The following TADA2A variants were observed in gnomAD, a reference collection of about 807,000 sequenced individuals.
The protein encoded by TADA2A is transcriptional adapter 2-alpha.
In TADA2A, 38 loss-of-function variants were observed where a neutral mutation model predicts 67.4. The ratio of observed to expected loss-of-function variants is 0.56; its 90% CI spans 0.44 to 0.74. The LOEUF is 0.74. Among genes scored for constraint, TADA2A ranks in the 30% least tolerant of loss-of-function variants. TADA2A has a pLI of 0.00. For missense variants in TADA2A, 454 were observed against 547.0 expected, an observed-to-expected ratio of 0.83 and a Z score of 1.70; for synonymous variants, 192 against 181.6, an observed-to-expected ratio of 1.06 and a Z score of -0.46.
At chr17:37,453,916 G>A (rs1354336547) in intron 8 of TADA2A, among the ~76,000 whole-genome samples, 2 of 151,624 alleles carry the variant, frequency 1.3e-5, no homozygotes, top group East Asian at 1.9e-4. Context: ...GATTACAGGT[G>A]TCCGCTACCA....
chr17:37,465,537 T>C lies in TADA2A; in HGVS notation c.819T>C (p.His273=). 6.2e-7 allele frequency: 1 copy of C among 1,614,114 alleles called. No individual in the cohort carries two copies. The highest frequency in any genetic ancestry group is 8.5e-7 in the Non-Finnish European group (1 of 1,180,026). ...AACATGACAAATTCATTGAAAGCCA[T>C]GCATGTAGGTGGTTTTTGAGCCTTG... The part of the protein sequence containing the change: ...PVEHDKFIES[H]ALEFELRREI... Residue 273 remains histidine (H), a synonymous_variant, in exon 11 of 16, where the codon CAT becomes CAC. Coordinates refer to ENST00000615182, the MANE Select transcript of TADA2A (RefSeq NM_001166105.3).
At chr17:37,470,615 C>A in intron 13 of TADA2A, 83 bp downstream of exon 13, 1 of 1,368,848 alleles carries the variant, frequency 7.3e-7, no homozygotes, top group Non-Finnish European at 9.7e-7. Context: ...CCCTAGATGG[C>A]AGAGTAATAA....
In TADA2A at chr17:37,452,702, A is replaced by G. The variant is rs534396550; in HGVS notation, c.605-5822A>G. ...AAACAGTGACAGGTATAGGCATTCT[A>G]TGATATCTGGACTTTTATATGTAGC... On this transcript the variant is annotated intron_variant, in intron 8 of 15. Transcript: ENST00000615182. 2.6e-5 allele frequency among the ~76,000 whole-genome samples: 4 copies of G among 152,228 alleles called. No homozygotes were observed. In the South Asian group the frequency reaches 6.2e-4, roughly 24 times the overall value.
At chr17:37,460,981 A>AG (rs2053534020) in intron 9 of TADA2A, among the ~76,000 whole-genome samples, 1 of 151,928 alleles carries the variant, frequency 6.6e-6, no homozygotes, top group African/African-American at 2.4e-5. Context: ...AAAAAGCAAA[A>AG]GAAAAAAAAG....
intron 4 of TADA2A, among the ~76,000 whole-genome samples, chr17:37,428,800 A>T (rs946641604): frequency 1.3e-5 from 2 of 152,154 alleles, no homozygotes; most frequent in Admixed American, 1.3e-4. Context: ...TAATCCCAGC[A>T]CTTTGGGAGG....
At chr17:37,449,430 A>G (rs966733299) in intron 8 of TADA2A, among the ~76,000 whole-genome samples, 2 of 152,182 alleles carry the variant, frequency 1.3e-5, no homozygotes, top group African/African-American at 4.8e-5. Context: ...CTTCATATAT[A>G]TTAAGTCATT....
chr17:37,422,297 G>GC (rs1568135892), intron 2 of TADA2A, among the ~76,000 whole-genome samples: 1 of 148,296 alleles, frequency 6.7e-6, no homozygotes, highest in African/African-American at 2.5e-5. Context: ...ACCCGCCTCG[G>GC]CCCCCCAAAG....
chr17:37,427,567 C>T (rs853220), intron 4 of TADA2A, among the ~76,000 whole-genome samples: 110,386 of 152,134 alleles, frequency 0.73, 40,685 homozygotes, highest in East Asian at 0.97. Context: ...TAATGCCACA[C>T]TTAAAGAAGG....
rs1407574645 is a variant in TADA2A, at chr17:37,411,355, C to T, written c.-11C>T. 5 of 1,613,806 alleles carry T rather than the reference C, an allele frequency of 3.1e-6. No homozygotes were observed. The highest frequency in any genetic ancestry group is 2.2e-5 in the South Asian group (2 of 91,070). On this transcript the variant is annotated 5_prime_UTR_variant, in exon 2 of 16. Transcript: ENST00000615182. Reference sequence around the variant, plus strand: ...AGGAAGACCAAAGCAGCACTCGTTGCCAATTAGGGAATGGACCGTTTGGGT... The same window carrying T: ...AGGAAGACCAAAGCAGCACTCGTTGTCAATTAGGGAATGGACCGTTTGGGT...
intron 9 of TADA2A, among the ~76,000 whole-genome samples, chr17:37,458,799 C>G (rs896545434): frequency 1.3e-5 from 2 of 152,088 alleles, no homozygotes; most frequent in African/African-American, 4.8e-5. Flanking sequence ...ACCTCAGCCT[C>G]CTGAGCATGT....
chr17:37,448,769 C>G (rs901667025), intron 8 of TADA2A, among the ~76,000 whole-genome samples: 2 of 152,224 alleles, frequency 1.3e-5, no homozygotes, highest in African/African-American at 4.8e-5. Flanking sequence ...TCCAGTACTT[C>G]TCAGGGTTGC....
intron 15 of TADA2A, 83 bp from the exon 16 acceptor site, chr17:37,476,714 T>A (rs1315465197): frequency 2.7e-6 from 4 of 1,491,858 alleles, no homozygotes; most frequent in Non-Finnish European, 3.6e-6. Flanking sequence ...GATGTCACTT[T>A]AAAAAATTTT....
intron 12 of TADA2A, among the ~76,000 whole-genome samples, chr17:37,469,961 T>C (rs1184397983): frequency 1.3e-5 from 2 of 152,228 alleles, no homozygotes; most frequent in African/African-American, 4.8e-5. Context: ...GTACTACATG[T>C]CAAAGAGAAC....
At chr17:37,457,173 A>ATT (rs2053415461) in intron 8 of TADA2A, among the ~76,000 whole-genome samples, 1 of 126,544 alleles carries the variant, frequency 7.9e-6, no homozygotes, top group African/African-American at 2.9e-5. Flanking sequence ...CACAATCATT[A>ATT]TTCTTTTTTT....
intron 10 of TADA2A, among the ~76,000 whole-genome samples, chr17:37,462,805 A>G (rs947854760): frequency 1.3e-5 from 2 of 152,192 alleles, no homozygotes; most frequent in Non-Finnish European, 2.9e-5. Context: ...ACATAACCTT[A>G]ATCTTCAGGT....
At chr17:37,441,488 C>T (rs1156308519) in intron 6 of TADA2A, among the ~76,000 whole-genome samples, 3 of 152,014 alleles carry the variant, frequency 2.0e-5, no homozygotes, top group Non-Finnish European at 4.4e-5. Flanking sequence ...GCGTGTGGGA[C>T]CAGTGGGTCT....
chr17:37,465,573 G>C, intron 11 of TADA2A, 32 bp downstream of exon 11: 1 of 1,613,408 alleles, frequency 6.2e-7, no homozygotes, highest in Non-Finnish European at 8.5e-7. Flanking sequence ...AGCAGTATTT[G>C]TGTGTGTATA....
At position 37,477,075 on chromosome 17, in the gene TADA2A, C is replaced by A; in HGVS notation, c.*93C>A. The A allele has an allele frequency of 7.7e-7, 1 of 1,304,974 alleles. No individual in the cohort carries two copies. Among genetic ancestry groups the A allele is most frequent in the Non-Finnish European group, 1.1e-6 (1 of 952,284 alleles). 80.8% of individuals were successfully genotyped at this position (1,304,974 alleles called of 1,614,324 possible). On this transcript the variant is annotated 3_prime_UTR_variant, in exon 16 of 16. Coordinates refer to ENST00000615182, the MANE Select transcript of TADA2A (RefSeq NM_001166105.3). ...GGCATTCTGGAGAGTTGTTTTTCAG[C>A]TGAATTCTCATGGTGAAAACAGGGG...
intron 11 of TADA2A, 55 bp downstream of exon 11, chr17:37,465,596 G>A: frequency 6.2e-7 from 1 of 1,607,738 alleles, no homozygotes; most frequent in Non-Finnish European, 8.5e-7. Flanking sequence ...TATATAAATA[G>A]GAGAGATAAT....
Sources: gnomAD v4.1 joint callset for allele counts (sites outside exome capture counted in the v4.1 genomes callset) on GRCh38, gnomAD v4.1.1 for gene constraint, MANE v1.5 for transcripts, NCBI Gene and HGNC (gene_info 2026-07-23, HGNC 2026-07-21) for gene names.